The following CORIN variants were observed in gnomAD, a reference collection of about 807,000 sequenced individuals.
CORIN encodes the protein corin, serine peptidase, also known as atrial natriuretic peptide-converting enzyme.
Under a neutral mutation model 125.3 loss-of-function variants are expected in CORIN, and 117 were observed. That is an observed-to-expected ratio of 0.93 (90% CI 0.80 to 1.09). CORIN has a LOEUF of 1.09. Among genes scored for constraint, CORIN ranks in the 50% least tolerant of loss-of-function variants. CORIN has a pLI of 0.00. For missense variants in CORIN, 1,253 were observed against 1,306.7 expected (o/e 0.96, Z 0.63); for synonymous variants, 450 against 466.4 (o/e 0.96, Z 0.45).
chr4:47,668,812 T>C (rs1429659089), intron 10 of CORIN, among the ~76,000 whole-genome samples: 1 of 152,228 alleles, frequency 6.6e-6, no homozygotes, highest in Non-Finnish European at 1.5e-5. Context: ...AAGGATTAAG[T>C]AATGATCATA....
chr4:47,724,490 G>C (rs542621871), intron 5 of CORIN, among the ~76,000 whole-genome samples: 1 of 152,054 alleles, frequency 6.6e-6, no homozygotes, highest in Non-Finnish European at 1.5e-5. Flanking sequence ...AATGGCTGAA[G>C]TTTTCTAAAT....
intron 4 of CORIN, among the ~76,000 whole-genome samples, chr4:47,745,329 T>C (rs1056410126): frequency 3.3e-5 from 5 of 152,354 alleles, no homozygotes; most frequent in East Asian, 3.9e-4. Context: ...TAATTGTTTC[T>C]ACTTTACAGC....
rs892702026 is a variant in CORIN at position 47,744,595 on chromosome 4, A to G, written c.618-12T>C. Reference sequence around the variant, plus strand: ...GCAGGAGTCCATGACTAAAAAAAAAAAAAGAGAAAGGTGAAAATTAGTGTC... The same window carrying G: ...GCAGGAGTCCATGACTAAAAAAAAAGAAAGAGAAAGGTGAAAATTAGTGTC... On this transcript the variant is annotated splice_polypyrimidine_tract_variant and intron_variant, in intron 4 of 21. Coordinates refer to ENST00000273857, the MANE Select transcript of CORIN (RefSeq NM_006587.4). 1 of 1,563,280 alleles carries G rather than the reference A, an allele frequency of 6.4e-7. No individual in the cohort carries two copies. The highest frequency in any genetic ancestry group is 1.2e-5 in the South Asian group (1 of 83,478).
chr4:47,813,964 C>T (rs1246755490), intron 1 of CORIN, among the ~76,000 whole-genome samples: 1 of 151,970 alleles, frequency 6.6e-6, no homozygotes, highest in Non-Finnish European at 1.5e-5. Flanking sequence ...GGATTGTATG[C>T]AAAATTATGG....
chr4:47,729,032 G>T (rs1303087052), intron 5 of CORIN, among the ~76,000 whole-genome samples: 1 of 152,162 alleles, frequency 6.6e-6, no homozygotes, highest in Non-Finnish European at 1.5e-5. Flanking sequence ...TACGGAGCCC[G>T]CAGAGAACAG....
chr4:47,718,293 T>C (rs1390132928), intron 5 of CORIN, among the ~76,000 whole-genome samples: 1 of 152,206 alleles, frequency 6.6e-6, no homozygotes, highest in East Asian at 1.9e-4. Flanking sequence ...CCTATTTTCT[T>C]CATTGCTAAG....
chr4:47,604,016 A>T (rs895305025), intron 19 of CORIN, among the ~76,000 whole-genome samples: 2 of 152,214 alleles, frequency 1.3e-5, no homozygotes, highest in African/African-American at 4.8e-5. Flanking sequence ...AAAGAAGAGG[A>T]AGCCAAGACT....
chr4:47,674,463 G>C lies in CORIN; in HGVS notation c.1287C>G (p.Leu429=). ...CACATGAATCAAGGCAGGGATTGTA[G>C]AGGCATCTTTGGTCTCCTTCTTGAC... ...TSCQEGDQRC[L]YNPCLDSCGG... is the part of the protein sequence containing the mutation. Residue 429 remains leucine (L), a synonymous_variant, in exon 10 of 22, where the codon CTC becomes CTG. Transcript: ENST00000273857. The C allele has an allele frequency of 6.2e-7, 1 of 1,614,024 alleles. No individual in the cohort carries two copies. Among genetic ancestry groups the C allele is most frequent in the Non-Finnish European group, 8.5e-7 (1 of 1,179,910 alleles).
At chr4:47,612,732 A>G (rs1028809412) in intron 19 of CORIN, among the ~76,000 whole-genome samples, 3 of 152,230 alleles carry the variant, frequency 2.0e-5, no homozygotes, top group Non-Finnish European at 4.4e-5. Context: ...ACAAGGGTCC[A>G]CAGGCATCAA....
At chr4:47,835,375 G>A (rs1370530569) in intron 1 of CORIN, among the ~76,000 whole-genome samples, 2 of 152,132 alleles carry the variant, frequency 1.3e-5, no homozygotes, top group Non-Finnish European at 1.5e-5. Context: ...CCTCAGATAC[G>A]CTCAGCAACA....
At chr4:47,616,209 A>G (rs1722061793) in intron 19 of CORIN, among the ~76,000 whole-genome samples, 1 of 152,154 alleles carries the variant, frequency 6.6e-6, no homozygotes, top group South Asian at 2.1e-4. Flanking sequence ...GGAGATATAA[A>G]TTTAAAAGTT....
At chr4:47,745,277 A>ATAGT (rs948600423) in intron 4 of CORIN, among the ~76,000 whole-genome samples, 14 of 152,360 alleles carry the variant, frequency 9.2e-5, no homozygotes, top group African/African-American at 3.1e-4. Context: ...ATGGGATACT[A>ATAGT]ACAAAGTCAA....
intron 5 of CORIN, chr4:47,706,856 C>A: frequency 6.3e-7 from 1 of 1,598,554 alleles, no homozygotes; most frequent in South Asian, 1.1e-5. Flanking sequence ...CAGGGAGATG[C>A]GTGGGCTGAC....
intron 5 of CORIN, among the ~76,000 whole-genome samples, chr4:47,729,068 C>T (rs988140409): frequency 2.0e-5 from 3 of 152,148 alleles, no homozygotes; most frequent in South Asian, 4.1e-4. Context: ...AACAAGAAAA[C>T]GATTTTATCT....
chr4:47,702,775 T>C (rs1001768295), intron 5 of CORIN, among the ~76,000 whole-genome samples: 5 of 152,166 alleles, frequency 3.3e-5, no homozygotes, highest in African/African-American at 1.2e-4. Flanking sequence ...TTGAAAAATA[T>C]CTTTCAAAAA....
In CORIN at chr4:47,744,523, G is replaced by A; in HGVS notation, c.678C>T (p.Val226=). 1 of 1,613,596 alleles carries A rather than the reference G, an allele frequency of 6.2e-7. No homozygotes were observed. Among genetic ancestry groups the A allele is most frequent in the South Asian group, 1.1e-5 (1 of 91,032 alleles). ...CEAAKEGCES[V]LGMVNYSWPD... ...GCCAGGAGTAATTCACCATCCCCAG[G>A]ACTGATTCACAGCCTTCTTTTGCAG... The change falls in exon 5 of 22, where the codon GTC becomes GTT. Residue 226 remains valine, a synonymous_variant. Transcript: ENST00000273857.
intron 14 of CORIN, 50 bp from the exon 15 acceptor site, chr4:47,643,306 T>C (rs2109615938): frequency 6.6e-7 from 1 of 1,507,794 alleles, no homozygotes; most frequent in Non-Finnish European, 9.0e-7. Context: ...GAAATAAATG[T>C]GATTATCACT....
At chr4:47,800,065 G>T (rs1185675674) in intron 2 of CORIN, among the ~76,000 whole-genome samples, 2 of 152,126 alleles carry the variant, frequency 1.3e-5, no homozygotes, top group South Asian at 2.1e-4. Flanking sequence ...ATAGATTAGT[G>T]GCTGCTTGGG....
At position 47,786,884 on chromosome 4, in the gene CORIN, G is replaced by A; in HGVS notation, c.250C>T (p.Pro84Ser). The change falls in exon 3 of 22, where the codon CCT (proline) becomes TCT (serine). Residue 84 changes from proline to serine, a missense_variant. Pro to Ser is a moderately conservative substitution (Grantham distance 74). Transcript: ENST00000273857. ...KVYFKSNGSE[P>S]LVTDGEIQGS... is the part of the protein sequence containing the mutation. ...TGGATTTCACCATCAGTGACCAAAGGTTCACTCCCATTTGATTTAAAATAG... is the reference window on the plus strand; with the variant it reads ...TGGATTTCACCATCAGTGACCAAAGATTCACTCCCATTTGATTTAAAATAG... 1.9e-6 allele frequency: 3 copies of A among 1,613,640 alleles called. No individual in the cohort carries two copies. The highest frequency in any genetic ancestry group is 1.3e-5 in the African/African-American group (1 of 74,944).
Sources: gnomAD v4.1 joint callset for allele counts (sites outside exome capture counted in the v4.1 genomes callset) on GRCh38, gnomAD v4.1.1 for gene constraint, MANE v1.5 for transcripts, NCBI Gene and HGNC (gene_info 2026-07-23, HGNC 2026-07-21) for gene names.